Variants in STRADA observed in about 807,000 individuals in gnomAD.
The protein encoded by STRADA is STE20 related adaptor alpha.
STRADA carries 26 observed loss-of-function variants against 55.0 expected under a neutral mutation model. The observed-to-expected ratio is 0.47, with a 90% CI of 0.35 to 0.66. The LOEUF is 0.66. STRADA is among the 30% of genes least tolerant of loss of function. The pLI, the probability that STRADA is intolerant of heterozygous loss-of-function variation, is 0.01. For synonymous variants in STRADA, 197 were observed against 210.9 expected, an observed-to-expected ratio of 0.93 and a Z score of 0.57; for missense variants, 443 against 549.7, an observed-to-expected ratio of 0.81 and a Z score of 1.94.
At chr17:63,732,855 T>C (rs1842115641) in intron 1 of STRADA, among the ~76,000 whole-genome samples, 1 of 152,148 alleles carries the variant, frequency 6.6e-6, no homozygotes, top group South Asian at 2.1e-4. Context: ...GTGGTGAGAC[T>C]AACAGTATGA....
intron 1 of STRADA, among the ~76,000 whole-genome samples, chr17:63,740,710 C>A (rs997776959): frequency 1.3e-5 from 2 of 152,080 alleles, no homozygotes; most frequent in African/African-American, 2.4e-5. Flanking sequence ...TGGTAGGGGA[C>A]TAATTAAATC....
In STRADA at chr17:63,703,582, GCA is replaced by G. The variant is rs781112097; in HGVS notation, c.*15_*16del. On this transcript the variant is annotated 3_prime_UTR_variant, in exon 13 of 13. Transcript: ENST00000336174. ...CTCTGCATCCCTGGCTGGAGAATGC[GCA>G]CAGTTTGCAGAGGCTCAGAACTCCC... 2.1e-5 allele frequency: 34 copies of G among 1,608,646 alleles called. No individual in the cohort carries two copies. The highest frequency in any genetic ancestry group is 2.7e-5 in the Non-Finnish European group (32 of 1,177,082).
At position 63,740,145 on chromosome 17, in the gene STRADA, T is replaced by TACACACACAC. The variant is rs753964028; in HGVS notation, c.-45+1595_-45+1596insGTGTGTGTGT. Among the ~76,000 whole-genome samples the TACACACACAC allele has an allele frequency of 7.2e-4, 31 of 42,892 alleles. 1 individual carries two copies. Among genetic ancestry groups the TACACACACAC allele is most frequent in the African/African-American group, 2.4e-3 (28 of 11,894 alleles). The allele number at this position is 42,892 out of a possible 152,430, so 28.1% of individuals were successfully genotyped here. A position where few individuals can be genotyped will look rare whatever the true frequency, so the allele number is the denominator to read the frequency against. On this transcript the variant is annotated intron_variant, in intron 1 of 12. Coordinates refer to ENST00000336174, the MANE Select transcript of STRADA (RefSeq NM_001003787.4). ...ATATATATACACATACATATATATATATACACACACACACACACACACACA... is the reference window on the plus strand; with the variant it reads ...ATATATATACACATACATATATATATACACACACACATACACACACACACACACACACACA...
Position 63,703,777 on chromosome 17 carries a change from A to G in STRADA, c.1144-26T>C, listed in dbSNP as rs1159322833. 1.9e-6 allele frequency: 3 copies of G among 1,612,474 alleles called. No individual in the cohort carries two copies. The South Asian group carries it at 3.3e-5, about 18-fold the overall frequency. On this transcript the variant is annotated intron_variant, in intron 12 of 12. Coordinates refer to ENST00000336174, the MANE Select transcript of STRADA (RefSeq NM_001003787.4). Reference sequence around the variant, plus strand: ...CTGGGGGAGAAGAGAGAGGTGGGTGACAGATCCTGTTGCTCTGGGTCCCAG... The same window carrying G: ...CTGGGGGAGAAGAGAGAGGTGGGTGGCAGATCCTGTTGCTCTGGGTCCCAG...
At chr17:63,732,329 C>CT (rs1287712982) in intron 1 of STRADA, among the ~76,000 whole-genome samples, 2 of 151,892 alleles carry the variant, frequency 1.3e-5, no homozygotes, top group African/African-American at 4.8e-5. Flanking sequence ...AAAAACCATT[C>CT]TTTTTTTGGA....
intron 1 of STRADA, among the ~76,000 whole-genome samples, chr17:63,732,659 G>T (rs9906895): frequency 0.034 from 5,204 of 152,196 alleles, 320 homozygotes; most frequent in African/African-American, 0.12. Flanking sequence ...GCCAGGCATG[G>T]TGGCATGTGC....
At chr17:63,736,819 G>GC (rs2038460479) in intron 1 of STRADA, among the ~76,000 whole-genome samples, 2 of 145,782 alleles carry the variant, frequency 1.4e-5, no homozygotes, top group Non-Finnish European at 3.0e-5. Flanking sequence ...GTGGAAAGTG[G>GC]CCTATTTCTT....
At chr17:63,715,388 A>C (rs1197505086) in intron 4 of STRADA, 1 of 152,272 alleles carries the variant, frequency 6.6e-6, no homozygotes, top group Non-Finnish European at 1.5e-5. Flanking sequence ...CCCAGGCCCA[A>C]ACCAGTGAGA....
At chr17:63,734,372 G>A (rs1243021596) in intron 1 of STRADA, among the ~76,000 whole-genome samples, 2 of 152,224 alleles carry the variant, frequency 1.3e-5, no homozygotes. Flanking sequence ...GTTGGGCACG[G>A]TGGCTCATAC....
At position 63,713,546 on chromosome 17, in the gene STRADA, G is replaced by A. The variant is rs1197673103; in HGVS notation, c.227-19C>T. 9 of 1,610,642 alleles carry A rather than the reference G, an allele frequency of 5.6e-6. No individual in the cohort carries two copies. In the South Asian group the frequency reaches 8.9e-5, roughly 16 times the overall value. On this transcript the variant is annotated intron_variant, in intron 5 of 12. Transcript: ENST00000336174. ...CCTTTGCCTAAAAGAAAAAGGGAAT[G>A]CCATACGCAAGGACAAGAACAACAA...
At chr17:63,732,298 C>A (rs2144236779) in intron 1 of STRADA, among the ~76,000 whole-genome samples, 1 of 152,286 alleles carries the variant, frequency 6.6e-6, no homozygotes, top group Non-Finnish European at 1.5e-5. Context: ...AGCTACCGCA[C>A]CTGGCCAATA....
At chr17:63,731,130 G>T (rs1485511002) in intron 1 of STRADA, among the ~76,000 whole-genome samples, 1 of 151,882 alleles carries the variant, frequency 6.6e-6, no homozygotes, top group Non-Finnish European at 1.5e-5. Context: ...TTTTAATAGA[G>T]ACGGGGTTCC....
intron 1 of STRADA, among the ~76,000 whole-genome samples, chr17:63,735,798 A>G (rs914010394): frequency 7.9e-5 from 12 of 152,190 alleles, no homozygotes; most frequent in Non-Finnish European, 1.6e-4. Flanking sequence ...CCAGCAGACA[A>G]TCCTAAGGGG....
intron 7 of STRADA, 44 bp downstream of exon 7, chr17:63,710,684 G>A (rs1442446664): frequency 8.1e-6 from 13 of 1,613,842 alleles, no homozygotes; most frequent in Non-Finnish European, 1.1e-5. Context: ...TCTGACAACA[G>A]AGTCCCAATA....
chr17:63,737,588 CT>C (rs1282854370), intron 1 of STRADA, among the ~76,000 whole-genome samples: 1 of 152,044 alleles, frequency 6.6e-6, no homozygotes, highest in Non-Finnish European at 1.5e-5. Context: ...GCTAATACCC[CT>C]ATCTTCCTAA....
intron 2 of STRADA, 112 bp from the exon 3 acceptor site, chr17:63,726,807 G>T: frequency 9.9e-7 from 1 of 1,011,020 alleles, no homozygotes; most frequent in East Asian, 2.5e-5. Flanking sequence ...GAATCATGCA[G>T]TACAGTTAGG....
chr17:63,735,772 G>C lies in STRADA; in HGVS notation c.-45+5969C>G, dbSNP rs147412805. ...AATGTGAATGGAGAGTATAGTAGAG[G>C]AGACGGCAGATATGCCCAGCAGACA... On this transcript the variant is annotated intron_variant, in intron 1 of 12. Coordinates refer to ENST00000336174, the MANE Select transcript of STRADA (RefSeq NM_001003787.4). Among the ~76,000 whole-genome samples the C allele has an allele frequency of 1.2e-3, 177 of 152,304 alleles. 2 individuals are homozygous for C. The highest frequency in any genetic ancestry group is 1.5e-3 in the Non-Finnish European group (100 of 68,020).
At chr17:63,736,235 C>A (rs560397631) in intron 1 of STRADA, among the ~76,000 whole-genome samples, 1 of 152,182 alleles carries the variant, frequency 6.6e-6, no homozygotes, top group Non-Finnish European at 1.5e-5. Flanking sequence ...CTGCACCCAG[C>A]CCCATACACG....
chr17:63,704,632 G>T (rs1355985759), intron 10 of STRADA, 50 bp from the exon 11 acceptor site: 97 of 773,058 alleles, frequency 1.3e-4, no homozygotes, highest in Non-Finnish European at 1.7e-4. Flanking sequence ...GGGGGGGGGG[G>T]TGGTCCCTGG....
Sources: allele counts gnomAD v4.1 joint callset (sites outside exome capture counted in the v4.1 genomes callset), GRCh38; gene constraint gnomAD v4.1.1; transcripts MANE v1.5; gene names NCBI Gene and HGNC (gene_info 2026-07-23, HGNC 2026-07-21).